The following BZW1 variants were observed in gnomAD, a reference collection of about 807,000 sequenced individuals.
The protein encoded by BZW1 is basic leucine zipper and W2 domains 1.
BZW1 carries 3 observed loss-of-function variants against 54.1 expected under a neutral mutation model. The observed-to-expected ratio is 0.06, with a 90% CI of 0.03 to 0.14. BZW1 has a LOEUF of 0.14. Among genes scored for constraint, BZW1 ranks in the 10% least tolerant of loss-of-function variants. The pLI, the probability that BZW1 is intolerant of heterozygous loss-of-function variation, is 1.00. For synonymous variants in BZW1, 152 were observed against 162.7 expected (o/e 0.93, Z 0.50); for missense variants, 206 against 491.7 (o/e 0.42, Z 5.50).
intron 3 of BZW1, 71 bp from the exon 4 acceptor site, chr2:200,815,596 C>A: frequency 6.3e-7 from 1 of 1,594,470 alleles, no homozygotes; most frequent in Non-Finnish European, 8.6e-7. Context: ...AGAATATGAA[C>A]TATTTGGCAA....
intron 4 of BZW1, 64 bp from the exon 5 acceptor site, chr2:200,816,261 G>T: frequency 8.3e-7 from 1 of 1,208,620 alleles, no homozygotes; most frequent in South Asian, 1.5e-5. Context: ...TCGAGTGAAA[G>T]GTTTACTACT....
At chr2:200,812,233 G>A in intron 1 of BZW1, 1 of 1,228,964 alleles carries the variant, frequency 8.1e-7, no homozygotes. Flanking sequence ...TGGCTGCGAA[G>A]GCAGTGGCCG....
intron 2 of BZW1, among the ~76,000 whole-genome samples, chr2:200,814,619 G>A (rs2038219883): frequency 6.6e-6 from 1 of 152,170 alleles, no homozygotes; most frequent in Non-Finnish European, 1.5e-5. Context: ...TATGGGATAG[G>A]TACTATTCTT....
chr2:200,821,877 C>G (rs2038531669), intron 11 of BZW1, among the ~76,000 whole-genome samples: 1 of 152,088 alleles, frequency 6.6e-6, no homozygotes, highest in Non-Finnish European at 1.5e-5. Flanking sequence ...ATGAGGCCAG[C>G]CTGGACAACA....
Position 200,813,250 on chromosome 2 carries a change from A to G in BZW1, c.33A>G (p.Leu11=). The G allele has an allele frequency of 2.5e-6, 4 of 1,613,698 alleles. No homozygotes were observed. Among genetic ancestry groups the G allele is most frequent in the Non-Finnish European group, 2.5e-6 (3 of 1,179,798 alleles). The change falls in exon 2 of 12, where the codon CTA becomes CTG. Residue 11 remains leucine, a synonymous_variant. Coordinates refer to ENST00000409600, the MANE Select transcript of BZW1 (RefSeq NM_001207067.2). The part of the protein sequence containing the change: MNNQKQQKPT[L]SGQRFKTRKR... ...ATCAAAAGCAGCAAAAGCCAACGCTATCAGGCCAGCGTTTTAAAACTAGAA... is the reference window on the plus strand; with the variant it reads ...ATCAAAAGCAGCAAAAGCCAACGCTGTCAGGCCAGCGTTTTAAAACTAGAA...
chr2:200,812,323 C>T, intron 1 of BZW1: 1 of 1,260,560 alleles, frequency 7.9e-7, no homozygotes, highest in Non-Finnish European at 1.0e-6. Flanking sequence ...CGCGTGGGGG[C>T]TTCCGGCGGG....
rs2038262388 is a variant in BZW1, at chr2:200,815,693, A to G, written c.268A>G (p.Met90Val). ...CCCAGGTGGTACACTGGCAGATGAC[A>G]TGATGCGTACAGATGTCTGCGTGTT... ...LAPGGTLADD[M>V]MRTDVCVFAA... The change falls in exon 4 of 12, where the codon ATG (methionine) becomes GTG (valine). Residue 90 changes from methionine to valine, a missense_variant. Physicochemically the swap from Met to Val is conservative, Grantham distance 21. Transcript: ENST00000409600. The G allele has an allele frequency of 3.1e-6, 5 of 1,597,024 alleles. No individual in the cohort carries two copies. The East Asian group carries it at 1.1e-4, about 36-fold the overall frequency.
At chr2:200,815,301 T>C in intron 2 of BZW1, 40 bp from the exon 3 acceptor site, 2 of 1,546,870 alleles carry the variant, frequency 1.3e-6, no homozygotes, top group Non-Finnish European at 1.7e-6. Flanking sequence ...TTTTGGTAAA[T>C]CTTTTAAAAC....
chr2:200,821,886 C>T (rs1455242917), intron 11 of BZW1, among the ~76,000 whole-genome samples: 1 of 152,122 alleles, frequency 6.6e-6, no homozygotes, highest in Non-Finnish European at 1.5e-5. Flanking sequence ...GCCTGGACAA[C>T]ATGGGAAACC....
Position 200,815,466 on chromosome 2 carries a change from C to T in BZW1, c.190C>T (p.Arg64Cys). 1 of 1,613,870 alleles carries T rather than the reference C, an allele frequency of 6.2e-7. No individual in the cohort carries two copies. The highest frequency in any genetic ancestry group is 8.5e-7 in the Non-Finnish European group (1 of 1,179,870). ...LDASGAKLDY[R>C]RYAETLFDIL... ...TGCTTCTGGAGCAAAACTTGATTAC[C>T]GTCGATATGCAGAAACACTCTTTGA... The change falls in exon 3 of 12, where the codon CGT becomes TGT. Residue 64 changes from arginine to cysteine, a missense_variant. This residue lies in a region of BZW1 where 81 missense variants were observed against 257.1 expected (regional missense o/e 0.32). Transcript: ENST00000409600.
At chr2:200,818,500 A>G in intron 8 of BZW1, 107 bp downstream of exon 8, 2 of 1,307,228 alleles carry the variant, frequency 1.5e-6, no homozygotes, top group South Asian at 1.3e-5. Flanking sequence ...TAATAGTAAC[A>G]GGATGTTATA....
intron 1 of BZW1, 69 bp from the exon 2 acceptor site, chr2:200,813,139 G>T (rs1348302868): frequency 3.8e-6 from 5 of 1,317,486 alleles, no homozygotes; most frequent in Non-Finnish European, 5.4e-6. Context: ...ACTAGACTAA[G>T]GTTTGATGTT....
rs1432596536 is a variant in BZW1, at chr2:200,824,394, A to C, written c.*2216A>C. On this transcript the variant is annotated 3_prime_UTR_variant, in exon 12 of 12. Transcript: ENST00000409600. ...TGGATAAATGTTTTTTCTAACTGTC[A>C]GTTTCTAAGGCTGTCTCCTTAGAAA... 1 of 152,094 alleles carries C rather than the reference A, an allele frequency of 6.6e-6. No individual in the cohort carries two copies. Among genetic ancestry groups the C allele is most frequent in the Admixed American group, 6.6e-5 (1 of 15,262 alleles). The allele number at this position is 152,094 out of a possible 1,614,324, so 9.4% of individuals were successfully genotyped here.
intron 1 of BZW1, chr2:200,812,320 G>A: frequency 1.6e-6 from 2 of 1,260,280 alleles, no homozygotes; most frequent in Non-Finnish European, 2.0e-6. Context: ...GTACGCGTGG[G>A]GGCTTCCGGC....
rs947055458 is a variant in BZW1 at position 200,823,546 on chromosome 2, C to T, written c.*1368C>T. On this transcript the variant is annotated 3_prime_UTR_variant, in exon 12 of 12. Coordinates refer to ENST00000409600, the MANE Select transcript of BZW1 (RefSeq NM_001207067.2). ...GCCACCAGAGACTGAGTGGAAATCG[C>T]CCCTTTTGAAGGTGCCATTCTTATG... 3.3e-5 allele frequency: 5 copies of T among 152,148 alleles called. No homozygotes were observed. Among genetic ancestry groups the T allele is most frequent in the African/African-American group, 1.2e-4 (5 of 41,284 alleles). 9.4% of individuals were successfully genotyped at this position (152,148 alleles called of 1,614,324 possible).
At chr2:200,819,935 G>A (rs936885867) in intron 9 of BZW1, 47 bp from the exon 10 acceptor site, 22 of 1,439,160 alleles carry the variant, frequency 1.5e-5, no homozygotes, top group African/African-American at 2.9e-5. Context: ...TGTAATGGAT[G>A]GTTATTTGTA....
chr2:200,817,703 C>CA (rs2038345577), intron 6 of BZW1, among the ~76,000 whole-genome samples: 2 of 151,842 alleles, frequency 1.3e-5, no homozygotes, highest in Non-Finnish European at 2.9e-5. Flanking sequence ...CTGTAATTCT[C>CA]ACAACAGTCT....
At chr2:200,816,518 C>A in intron 5 of BZW1, 128 bp downstream of exon 5, 1 of 570,534 alleles carries the variant, frequency 1.8e-6, no homozygotes, top group Non-Finnish European at 2.9e-6. Flanking sequence ...TGAGACAGAG[C>A]CTCACTCTGT....
At chr2:200,818,110 A>T in intron 7 of BZW1, 27 bp downstream of exon 7, 2 of 1,534,218 alleles carry the variant, frequency 1.3e-6, no homozygotes, top group Non-Finnish European at 8.8e-7. Context: ...CATTCTTCCC[A>T]TTCTTGCCAA....
Sources: allele counts gnomAD v4.1 joint callset (sites outside exome capture counted in the v4.1 genomes callset), GRCh38; gene constraint gnomAD v4.1.1; regional missense constraint gnomAD v4.1.1; transcripts MANE v1.5; gene names NCBI Gene and HGNC (gene_info 2026-07-23, HGNC 2026-07-21).